PHTF2: variants seen among roughly 807,000 people sequenced by gnomAD.
PHTF2 encodes the protein putative homeodomain transcription factor 2, also known as protein PHTF2.
Under a neutral mutation model 101.2 loss-of-function variants are expected in PHTF2, and 60 were observed. That is an observed-to-expected ratio of 0.59 (90% CI 0.48 to 0.73). PHTF2 has a LOEUF of 0.73. Ranked by LOEUF, PHTF2 falls within the 30% of genes least tolerant of loss-of-function variation. The pLI is 0.00. For synonymous variants in PHTF2, 311 were observed against 307.3 expected, an observed-to-expected ratio of 1.01 and a Z score of -0.13; for missense variants, 747 against 908.7, an observed-to-expected ratio of 0.82 and a Z score of 2.29.
chr7:77,930,247 C>T (rs1323870764), intron 12 of PHTF2, among the ~76,000 whole-genome samples: 1 of 152,028 alleles, frequency 6.6e-6, no homozygotes, highest in Non-Finnish European at 1.5e-5. Context: ...AGCCACCCTG[C>T]CCAGTCGGAC....
intron 1 of PHTF2, among the ~76,000 whole-genome samples, chr7:77,799,633 C>CA (rs1401617193): frequency 6.6e-6 from 1 of 152,196 alleles, no homozygotes; most frequent in Non-Finnish European, 1.5e-5. Flanking sequence ...TTTATCTGCC[C>CA]AGTGTTGACA....
chr7:77,886,768 G>C (rs781518133), intron 3 of PHTF2, among the ~76,000 whole-genome samples: 31 of 152,268 alleles, frequency 2.0e-4, no homozygotes, highest in African/African-American at 7.2e-4. Flanking sequence ...CAGTGGCTGG[G>C]CGCAGTGGCT....
At chr7:77,801,336 A>T (rs1005988161) in intron 1 of PHTF2, among the ~76,000 whole-genome samples, 1 of 152,232 alleles carries the variant, frequency 6.6e-6, no homozygotes, top group African/African-American at 2.4e-5. Context: ...CCGTAATCCC[A>T]GCACTTTGGG....
intron 3 of PHTF2, among the ~76,000 whole-genome samples, chr7:77,872,211 C>T (rs756487309): frequency 1.3e-5 from 2 of 152,074 alleles, no homozygotes; most frequent in South Asian, 2.1e-4. Flanking sequence ...TTCATGGGCC[C>T]ATTGGACGAT....
rs753608063 is a variant in PHTF2, at chr7:77,954,856, A to G, written c.2338-2A>G. The G allele has an allele frequency of 1.3e-6, 2 of 1,484,004 alleles. No homozygotes were observed. The highest frequency in any genetic ancestry group is 1.8e-6 in the Non-Finnish European group (2 of 1,084,154). The allele number at this position is 1,484,004 out of a possible 1,614,324, so 91.9% of individuals were successfully genotyped here. ...TCACCACTTCTATTTTTTTTTTTCT[A>G]GCTATGGAAGATTAAGTCATGACAA... On this transcript the variant is annotated splice_acceptor_variant, in intron 19 of 19. Transcript: ENST00000416283. LOFTEE classifies it high-confidence loss of function.
At chr7:77,816,267 GT>G (rs1260397424) in intron 1 of PHTF2, among the ~76,000 whole-genome samples, 4 of 152,106 alleles carry the variant, frequency 2.6e-5, no homozygotes, top group Non-Finnish European at 5.9e-5. Context: ...TAGAGATGGG[GT>G]TTCACCATGT....
chr7:77,808,945 C>T (rs1793202403), intron 1 of PHTF2, among the ~76,000 whole-genome samples: 1 of 152,104 alleles, frequency 6.6e-6, no homozygotes, highest in Non-Finnish European at 1.5e-5. Flanking sequence ...GTTCTCATTA[C>T]TCCCATCATG....
At chr7:77,941,032 T>C (rs2150975020) in intron 15 of PHTF2, among the ~76,000 whole-genome samples, 1 of 152,338 alleles carries the variant, frequency 6.6e-6, no homozygotes, top group African/African-American at 2.4e-5. Flanking sequence ...AACATCTAAA[T>C]TGGTTTTAGG....
intron 1 of PHTF2, among the ~76,000 whole-genome samples, chr7:77,803,172 G>A (rs1408587777): frequency 1.3e-5 from 2 of 152,124 alleles, no homozygotes; most frequent in East Asian, 1.9e-4. Context: ...AGGAACTGGG[G>A]CAGGAAATAG....
chr7:77,832,069 G>A (rs1050928520), intron 1 of PHTF2, among the ~76,000 whole-genome samples: 1 of 151,110 alleles, frequency 6.6e-6, no homozygotes, highest in Non-Finnish European at 1.5e-5. Context: ...GTTATCACTG[G>A]TAGCACATTT....
chr7:77,923,074 G>T (rs1803634522), intron 11 of PHTF2: 7 of 1,055,848 alleles, frequency 6.6e-6, no homozygotes, highest in Non-Finnish European at 8.0e-6. Context: ...GCAAACTCCT[G>T]TGTTCACTTT....
At chr7:77,846,706 A>T (rs750279517) in intron 2 of PHTF2, among the ~76,000 whole-genome samples, 32 of 149,780 alleles carry the variant, frequency 2.1e-4, no homozygotes, top group African/African-American at 7.6e-4. Flanking sequence ...GCAGTGACAC[A>T]GTCATGGCTT....
intron 1 of PHTF2, among the ~76,000 whole-genome samples, chr7:77,813,896 T>A (rs1793640217): frequency 6.6e-6 from 1 of 152,220 alleles, no homozygotes; most frequent in African/African-American, 2.4e-5. Flanking sequence ...GTTTTATCAA[T>A]CATGAATTGA....
chr7:77,817,939 C>T (rs566258565), intron 1 of PHTF2, among the ~76,000 whole-genome samples: 20 of 151,914 alleles, frequency 1.3e-4, no homozygotes, highest in African/African-American at 4.8e-4. Flanking sequence ...GAACCCCCAT[C>T]TCTACTAAAA....
At chr7:77,910,133 G>A (rs1802242621) in intron 8 of PHTF2, 112 bp from the exon 8 acceptor site, 6 of 716,158 alleles carry the variant, frequency 8.4e-6, no homozygotes, top group East Asian at 2.8e-5. Flanking sequence ...ATTTTATTAT[G>A]TGTTAAGTAA....
intron 9 of PHTF2, among the ~76,000 whole-genome samples, chr7:77,919,751 C>CT (rs1196313640): frequency 6.6e-6 from 1 of 151,898 alleles, no homozygotes; most frequent in African/African-American, 2.4e-5. Context: ...TTGTGTTGTT[C>CT]TTTTTCACTT....
chr7:77,880,663 C>T (rs1394553479), intron 3 of PHTF2, among the ~76,000 whole-genome samples: 6 of 152,260 alleles, frequency 3.9e-5, no homozygotes, highest in Admixed American at 3.9e-4. Flanking sequence ...TGCCTGGCTA[C>T]ACACGTGCAT....
At chr7:77,910,441 A>G (rs779299692) in intron 9 of PHTF2, 32 bp downstream of exon 8, 1 of 1,520,406 alleles carries the variant, frequency 6.6e-7, no homozygotes, top group Admixed American at 1.8e-5. Flanking sequence ...TATATGGCAT[A>G]GAGATGGCAC....
At chr7:77,951,574 GTATT>G (rs1562979625) in intron 17 of PHTF2, 39 bp from the exon 17 acceptor site, 1 of 815,598 alleles carries the variant, frequency 1.2e-6, no homozygotes, top group Non-Finnish European at 1.9e-6. Flanking sequence ...TTAAAAATGT[GTATT>G]TATTATAATT....
Sources: allele counts gnomAD v4.1 joint callset (sites outside exome capture counted in the v4.1 genomes callset), GRCh38; gene constraint gnomAD v4.1.1; transcripts MANE v1.5; gene names NCBI Gene and HGNC (gene_info 2026-07-23, HGNC 2026-07-21).